The following CDK6 variants were observed in gnomAD, a reference collection of about 807,000 sequenced individuals.
The protein encoded by CDK6 is cyclin dependent kinase 6, also known as cyclin-dependent kinase 6.
CDK6 carries 6 observed loss-of-function variants against 37.1 expected under a neutral mutation model. The ratio of observed to expected loss-of-function variants is 0.16; its 90% CI spans 0.09 to 0.32. The LOEUF (loss-of-function observed/expected upper bound fraction) is 0.32. CDK6 is among the 10% of genes least tolerant of loss of function. CDK6 has a pLI of 1.00. For synonymous variants in CDK6, 160 were observed against 161.3 expected, an observed-to-expected ratio of 0.99 and a Z score of 0.06; for missense variants, 224 against 418.9, an observed-to-expected ratio of 0.53 and a Z score of 4.06.
intron 3 of CDK6, among the ~76,000 whole-genome samples, chr7:92,754,746 C>T (rs1189569408): frequency 6.6e-6 from 1 of 152,184 alleles, no homozygotes; most frequent in African/African-American, 2.4e-5. Flanking sequence ...TCCTCTATAA[C>T]TGGTTCTCAT....
rs1373376794 is a variant in CDK6, at chr7:92,614,576, G to C, written c.*564C>G. 1 of 233,468 alleles carries C rather than the reference G, an allele frequency of 4.3e-6. No individual in the cohort carries two copies. Among genetic ancestry groups the C allele is most frequent in the Non-Finnish European group, 8.5e-6 (1 of 118,104 alleles). 14.5% of individuals were successfully genotyped at this position (233,468 alleles called of 1,614,324 possible). On this transcript the variant is annotated 3_prime_UTR_variant, in exon 8 of 8. Transcript: ENST00000424848. ...CTTTCTAATTTGAGAAGACTATTTT[G>C]GTGAATCACCTTCAGTGAACAAATG...
At chr7:92,801,995 C>T (rs1800589940) in intron 2 of CDK6, among the ~76,000 whole-genome samples, 1 of 137,362 alleles carries the variant, frequency 7.3e-6, no homozygotes. Context: ...CTTTCCTTCC[C>T]CTCCCTCCCT....
rs142132868 is a variant in CDK6, at chr7:92,765,162, T to C, written c.369+9534A>G. Among the ~76,000 whole-genome samples, 435 of 152,278 alleles carry C rather than the reference T, an allele frequency of 2.9e-3. 2 individuals carry two copies. The highest frequency in any genetic ancestry group is 0.01 in the African/African-American group (416 of 41,550). On this transcript the variant is annotated intron_variant, in intron 3 of 7. Coordinates refer to ENST00000424848, the MANE Select transcript of CDK6 (RefSeq NM_001145306.2). ...TTTTAAAATGAAAAACATGTATCACTACAAAATTATTTTTTAGATATATAC... is the reference window on the plus strand; with the variant it reads ...TTTTAAAATGAAAAACATGTATCACCACAAAATTATTTTTTAGATATATAC...
At chr7:92,747,435 C>T (rs531548115) in intron 3 of CDK6, among the ~76,000 whole-genome samples, 1 of 152,290 alleles carries the variant, frequency 6.6e-6, no homozygotes, top group East Asian at 1.9e-4. Context: ...GAGTTTGAAA[C>T]ACAGTGCCTC....
Position 92,609,965 on chromosome 7 carries a change from T to C in CDK6, c.*5175A>G, listed in dbSNP as rs1325810923. The stretch of plus-strand genomic sequence containing the variant: ...AAGTTACAGAACATTATAGAGACTA[T>C]TAATCATCCCAAAAAACAAGTGCTA... On this transcript the variant is annotated 3_prime_UTR_variant, in exon 8 of 8. Coordinates refer to ENST00000424848, the MANE Select transcript of CDK6 (RefSeq NM_001145306.2). The C allele has an allele frequency of 8.7e-6, 2 of 230,118 alleles. No individual in the cohort carries two copies. Among genetic ancestry groups the C allele is most frequent in the East Asian group, 6.2e-5 (1 of 16,050 alleles). 14.3% of individuals were successfully genotyped at this position (230,118 alleles called of 1,614,324 possible).
intron 5 of CDK6, among the ~76,000 whole-genome samples, chr7:92,649,716 TAC>T (rs1796530765): frequency 6.6e-6 from 1 of 152,198 alleles, no homozygotes; most frequent in South Asian, 2.1e-4. Context: ...GCCAAGGCTA[TAC>T]AGCTAGTAAG....
At chr7:92,701,431 A>C (rs1797841355) in intron 4 of CDK6, among the ~76,000 whole-genome samples, 1 of 149,748 alleles carries the variant, frequency 6.7e-6, no homozygotes, top group Non-Finnish European at 1.5e-5. Flanking sequence ...TTTGAGACGG[A>C]GTCTCGCTCT....
At chr7:92,811,553 A>G (rs575032717) in intron 2 of CDK6, among the ~76,000 whole-genome samples, 30 of 151,890 alleles carry the variant, frequency 2.0e-4, no homozygotes, top group African/African-American at 6.8e-4. Flanking sequence ...GGCATTCAAG[A>G]TGACAGTGTA....
chr7:92,626,114 A>T (rs180674670), intron 5 of CDK6, among the ~76,000 whole-genome samples: 61 of 152,214 alleles, frequency 4.0e-4, no homozygotes, highest in Non-Finnish European at 4.9e-4. Flanking sequence ...TAACTGGATG[A>T]AGCAGAAAAT....
rs539922395 is a variant in CDK6, at chr7:92,787,167, G to C, written c.234-12336C>G. ...ACCACACTCCAACCTGGGCAACAGA[G>C]TAAGTGAGACTCCATCACAAAAAAA... On this transcript the variant is annotated intron_variant, in intron 2 of 7. Transcript: ENST00000424848. 4.0e-5 allele frequency among the ~76,000 whole-genome samples: 5 copies of C among 126,352 alleles called. No homozygotes were observed. The East Asian group carries it at 1.3e-3, about 34-fold the overall frequency. The allele number at this position is 126,352 out of a possible 152,430, so 82.9% of individuals were successfully genotyped here.
intron 6 of CDK6, among the ~76,000 whole-genome samples, chr7:92,620,907 C>T (rs928873535): frequency 6.6e-6 from 1 of 151,548 alleles, no homozygotes; most frequent in African/African-American, 2.4e-5. Context: ...GACCTTGTCT[C>T]CAAAGAAAAA....
intron 2 of CDK6, among the ~76,000 whole-genome samples, chr7:92,784,734 G>A (rs1013269228): frequency 1.3e-5 from 2 of 152,052 alleles, no homozygotes; most frequent in African/African-American, 2.4e-5. Flanking sequence ...GCCTCTTTGC[G>A]TTTTGCTTAT....
intron 2 of CDK6, among the ~76,000 whole-genome samples, chr7:92,803,470 A>G (rs944748366): frequency 6.6e-6 from 1 of 152,214 alleles, no homozygotes; most frequent in African/African-American, 2.4e-5. Flanking sequence ...CAAGGAGAAG[A>G]GCAAGTAAGC....
rs1188758156 is a variant in CDK6, at chr7:92,605,612, T to G, written c.*9528A>C. 2 of 233,244 alleles carry G rather than the reference T, an allele frequency of 8.6e-6. No homozygotes were observed. Among genetic ancestry groups the G allele is most frequent in the Non-Finnish European group, 1.7e-5 (2 of 118,012 alleles). The allele number at this position is 233,244 out of a possible 1,614,324, so 14.4% of individuals were successfully genotyped here. ...GCCTCTTGGGAAAGGAGCAAGAGCA[T>G]TCAGCTCAGAGCATTCTGAAGACAG... On this transcript the variant is annotated 3_prime_UTR_variant, in exon 8 of 8. Coordinates refer to ENST00000424848, the MANE Select transcript of CDK6 (RefSeq NM_001145306.2).
chr7:92,833,407 C>T lies in CDK6; in HGVS notation c.-84G>A. ...AGCTGGCGGCCGCCGCTCGCCTACT[C>T]CGGGGCTCCCCGGAGATCGGTCTAG... is the stretch of plus-strand genomic sequence containing the variant. On this transcript the variant is annotated 5_prime_UTR_variant, in exon 2 of 8. Transcript: ENST00000424848. This position sits in a 1 kb window ranked among gnomAD's most constrained non-coding sequence, Gnocchi z 6.1. The T allele has an allele frequency of 2.2e-6, 2 of 914,190 alleles. No individual in the cohort carries two copies. The highest frequency in any genetic ancestry group is 3.2e-6 in the Non-Finnish European group (2 of 622,138). 56.6% of individuals were successfully genotyped at this position (914,190 alleles called of 1,614,324 possible).
At chr7:92,705,514 G>A (rs571001057) in intron 4 of CDK6, among the ~76,000 whole-genome samples, 4 of 152,280 alleles carry the variant, frequency 2.6e-5, no homozygotes, top group South Asian at 4.1e-4. Context: ...CCTAAGTAGA[G>A]AGTGAAAGGT....
chr7:92,703,496 A>C (rs548018960), intron 4 of CDK6, among the ~76,000 whole-genome samples: 8 of 152,254 alleles, frequency 5.3e-5, no homozygotes, highest in Non-Finnish European at 1.2e-4. Context: ...TGACCTCATT[A>C]ATCATTATAA....
chr7:92,661,997 G>C (rs1293986404), intron 5 of CDK6, among the ~76,000 whole-genome samples: 1 of 152,142 alleles, frequency 6.6e-6, no homozygotes, highest in Admixed American at 6.5e-5. Context: ...ATGAAGGGAA[G>C]GAGAAAGACT....
intron 4 of CDK6, among the ~76,000 whole-genome samples, chr7:92,702,153 T>C (rs1320519441): frequency 6.6e-6 from 1 of 152,076 alleles, no homozygotes; most frequent in Non-Finnish European, 1.5e-5. Context: ...AGGCTGATTC[T>C]TTCCTTATAG....
Sources: allele counts gnomAD v4.1 joint callset (sites outside exome capture counted in the v4.1 genomes callset), GRCh38; gene constraint gnomAD v4.1.1; non-coding constraint Gnocchi (gnomAD v3.1); transcripts MANE v1.5; gene names NCBI Gene and HGNC (gene_info 2026-07-23, HGNC 2026-07-21).